Variants in RFX7 observed in about 807,000 individuals in gnomAD.
The protein encoded by RFX7 is regulatory factor X7.
Under a neutral mutation model 111.8 loss-of-function variants are expected in RFX7, and 26 were observed. The observed-to-expected ratio is 0.23, with a 90% CI of 0.17 to 0.32. The LOEUF is 0.32. Ranked by LOEUF, RFX7 falls within the 10% of genes least tolerant of loss-of-function variation. The probability of loss-of-function intolerance (pLI) is 1.00; values close to 1 mark genes in which losing one functional copy is unlikely to be tolerated. For synonymous variants in RFX7, 624 were observed against 624.4 expected, an observed-to-expected ratio of 1.00 and a Z score of 0.01; for missense variants, 1,573 against 1,772.9, an observed-to-expected ratio of 0.89 and a Z score of 2.02.
chr15:56,169,916 G>GAA (rs1177132758), intron 3 of RFX7, among the ~76,000 whole-genome samples: 4 of 138,086 alleles, frequency 2.9e-5, no homozygotes, highest in African/African-American at 5.3e-5. Context: ...GGCAGAAACA[G>GAA]AAAAAAAAAA....
chr15:56,223,165 C>T (rs1175828329), intron 2 of RFX7, among the ~76,000 whole-genome samples: 3 of 152,106 alleles, frequency 2.0e-5, no homozygotes, highest in African/African-American at 7.2e-5. Context: ...CTTTTGACTA[C>T]AGGCCCCAAC....
chr15:56,150,768 T>G (rs113780599), intron 3 of RFX7, among the ~76,000 whole-genome samples: 5 of 151,736 alleles, frequency 3.3e-5, no homozygotes, highest in Admixed American at 1.3e-4. Flanking sequence ...ACGAACAACT[T>G]TGAGCTAAAG....
At chr15:56,220,275 G>A (rs996991331) in intron 2 of RFX7, among the ~76,000 whole-genome samples, 11 of 152,022 alleles carry the variant, frequency 7.2e-5, no homozygotes, top group African/African-American at 1.9e-4. Context: ...TTGTTGCCCA[G>A]GCTGAAATGC....
chr15:56,211,827 T>C (rs1394180867), intron 2 of RFX7, among the ~76,000 whole-genome samples: 1 of 152,144 alleles, frequency 6.6e-6, no homozygotes, highest in South Asian at 2.1e-4. Context: ...ACCAATGAGA[T>C]ACTAAACATA....
intron 2 of RFX7, among the ~76,000 whole-genome samples, chr15:56,200,882 G>A (rs1338285325): frequency 1.3e-5 from 2 of 151,514 alleles, no homozygotes; most frequent in South Asian, 4.1e-4. Flanking sequence ...TCAATTTTTT[G>A]AATGTACTTT....
At chr15:56,197,619 C>T (rs1269858374) in intron 2 of RFX7, among the ~76,000 whole-genome samples, 1 of 151,944 alleles carries the variant, frequency 6.6e-6, no homozygotes, top group African/African-American at 2.4e-5. Context: ...AGCACTTTGC[C>T]TGGTACACGT....
chr15:56,111,819 G>A (rs2041937450), intron 5 of RFX7, among the ~76,000 whole-genome samples: 6 of 152,118 alleles, frequency 3.9e-5, no homozygotes, highest in Admixed American at 2.6e-4. Context: ...GTGCAACCAG[G>A]ATTAAGAATC....
intron 3 of RFX7, among the ~76,000 whole-genome samples, chr15:56,145,420 G>T (rs2042455180): frequency 6.6e-6 from 1 of 152,124 alleles, no homozygotes; most frequent in South Asian, 2.1e-4. Flanking sequence ...CCTATTCTTA[G>T]TCTTATCAGA....
At chr15:56,221,799 C>T (rs1170532191) in intron 2 of RFX7, among the ~76,000 whole-genome samples, 1 of 152,194 alleles carries the variant, frequency 6.6e-6, no homozygotes, top group Non-Finnish European at 1.5e-5. Flanking sequence ...CAGTGCAATT[C>T]AATCTGTCTT....
intron 3 of RFX7, among the ~76,000 whole-genome samples, chr15:56,177,584 C>T (rs2042915937): frequency 6.6e-6 from 1 of 151,868 alleles, no homozygotes; most frequent in Non-Finnish European, 1.5e-5. Flanking sequence ...TTAAAAAGAA[C>T]TTTGTTCTTA....
chr15:56,189,247 C>T (rs191815904), intron 2 of RFX7, among the ~76,000 whole-genome samples: 8 of 152,072 alleles, frequency 5.3e-5, no homozygotes, highest in African/African-American at 7.2e-5. Flanking sequence ...AAAAGCCAGG[C>T]GTGGTGGTGC....
At chr15:56,200,806 A>G (rs1009231760) in intron 2 of RFX7, among the ~76,000 whole-genome samples, 3 of 152,194 alleles carry the variant, frequency 2.0e-5, no homozygotes, top group Non-Finnish European at 2.9e-5. Context: ...AGAAAAAAAA[A>G]GAAAAAGTTG....
chr15:56,111,124 GC>G, intron 5 of RFX7, among the ~76,000 whole-genome samples: 1 of 140,758 alleles, frequency 7.1e-6, no homozygotes, highest in South Asian at 2.5e-4. Context: ...CCTCTGCCCG[GC>G]CACCACCCCG....
rs558901652 is a variant in RFX7 at position 56,212,065 on chromosome 15, T to C, written c.161+31060A>G. Among the ~76,000 whole-genome samples, 15 of 152,300 alleles carry C rather than the reference T, an allele frequency of 9.8e-5. No homozygotes were observed. The South Asian group carries it at 2.5e-3, about 25-fold the overall frequency. On this transcript the variant is annotated intron_variant, in intron 2 of 9. Transcript: ENST00000559447. ...TCATACGAAAACTGGTACACGTTTT[T>C]AGTAGATTTATTTGCAACAGTCAAA...
Position 56,093,637 on chromosome 15 carries a change from T to G in RFX7, c.4091A>C (p.Gln1364Pro). 2 of 1,613,862 alleles carry G rather than the reference T, an allele frequency of 1.2e-6. No individual in the cohort carries two copies. Among genetic ancestry groups the G allele is most frequent in the Non-Finnish European group, 1.7e-6 (2 of 1,179,822 alleles). The part of the protein sequence containing the change: ...LSGDSLQTNQ[Q>P]LVGQGASDLT... ...ATCAGATGCTCCCTGACCTACCAGC[T>G]GCTGGTTGGTTTGCAAGCTGTCTCC... The change falls in exon 10 of 10, where the codon CAG becomes CCG. Residue 1364 changes from glutamine (Q) to proline (P), a missense_variant. Physicochemically the swap from Gln to Pro is moderately conservative, Grantham distance 76 (BLOSUM62 -1). Coordinates refer to ENST00000559447, the MANE Select transcript of RFX7 (RefSeq NM_022841.7).
chr15:56,171,628 T>G (rs1160306922), intron 3 of RFX7, among the ~76,000 whole-genome samples: 1 of 152,170 alleles, frequency 6.6e-6, no homozygotes, highest in Non-Finnish European at 1.5e-5. Context: ...TTTATCCCCG[T>G]GAAACCCATG....
intron 5 of RFX7, among the ~76,000 whole-genome samples, chr15:56,141,327 T>C (rs568806078): frequency 6.6e-6 from 1 of 151,874 alleles, no homozygotes; most frequent in South Asian, 2.1e-4. Context: ...GATCGTGCCA[T>C]TGCACTCCAG....
At position 56,098,110 on chromosome 15, in the gene RFX7, C is replaced by A. The variant is rs1236578280; in HGVS notation, c.1078G>T (p.Val360Phe). The A allele has an allele frequency of 5.0e-6, 8 of 1,613,750 alleles. No homozygotes were observed. Among genetic ancestry groups the A allele is most frequent in the Non-Finnish European group, 6.8e-6 (8 of 1,179,826 alleles). ...SILSPQPIGI[V>F]VAAVPSPIPV... is the part of the protein sequence containing the mutation. The stretch of plus-strand genomic sequence containing the variant: ...ATGGGACTAGGGACAGCTGCCACAA[C>A]GATACCAATAGGTTGAGGAGAAAGG... The change falls in exon 9 of 10, where the codon GTT (valine) becomes TTT (phenylalanine). Residue 360 changes from valine (V) to phenylalanine (F), a missense_variant. By Grantham distance (50) the Val-to-Phe change is conservative (BLOSUM62 -1). Coordinates refer to ENST00000559447, the MANE Select transcript of RFX7 (RefSeq NM_022841.7).
chr15:56,090,290 C>T lies in RFX7; in HGVS notation c.*3055G>A, dbSNP rs1490473801. 1 of 152,154 alleles carries T rather than the reference C, an allele frequency of 6.6e-6. No homozygotes were observed. The highest frequency in any genetic ancestry group is 2.4e-5 in the African/African-American group (1 of 41,446). 9.4% of individuals were successfully genotyped at this position (152,154 alleles called of 1,614,324 possible). ...ATGGCTTTTTGGACAACATAAAGTT[C>T]TATGCCATGCACCATTCATTGGTAA... is the stretch of plus-strand genomic sequence containing the variant. On this transcript the variant is annotated 3_prime_UTR_variant, in exon 10 of 10. Coordinates refer to ENST00000559447, the MANE Select transcript of RFX7 (RefSeq NM_022841.7).
Sources: gnomAD v4.1 joint callset for allele counts (sites outside exome capture counted in the v4.1 genomes callset) on GRCh38, gnomAD v4.1.1 for gene constraint, MANE v1.5 for transcripts, NCBI Gene and HGNC (gene_info 2026-07-23, HGNC 2026-07-21) for gene names.